CCBE1: variants seen among roughly 807,000 people sequenced by gnomAD.
CCBE1 encodes collagen and calcium-binding EGF domain-containing protein 1.
In CCBE1, 37 loss-of-function variants were observed where a neutral mutation model predicts 50.0. That is an observed-to-expected ratio of 0.74 (90% CI 0.57 to 0.97). The LOEUF (loss-of-function observed/expected upper bound fraction) is 0.97. Ranked by LOEUF, CCBE1 falls within the 50% of genes least tolerant of loss-of-function variation. The probability of loss-of-function intolerance (pLI) is 0.00; values close to 1 mark genes in which losing one functional copy is unlikely to be tolerated. For synonymous variants in CCBE1, 234 were observed against 203.7 expected, an observed-to-expected ratio of 1.15 and a Z score of -1.27; for missense variants, 538 against 523.8, an observed-to-expected ratio of 1.03 and a Z score of -0.26.
intron 2 of CCBE1, among the ~76,000 whole-genome samples, chr18:59,657,145 T>C (rs927028713): frequency 2.0e-5 from 3 of 152,162 alleles, no homozygotes; most frequent in African/African-American, 7.2e-5. Flanking sequence ...AAGCTACAAA[T>C]TGCATGCGTA....
chr18:59,579,457 C>T (rs1036335796), intron 2 of CCBE1, among the ~76,000 whole-genome samples: 17 of 151,962 alleles, frequency 1.1e-4, no homozygotes, highest in East Asian at 7.7e-4. Context: ...TCAGAGGTCC[C>T]GGTATGTCAC....
At chr18:59,522,357 A>G (rs1914636995) in intron 2 of CCBE1, among the ~76,000 whole-genome samples, 1 of 152,232 alleles carries the variant, frequency 6.6e-6, no homozygotes, top group African/African-American at 2.4e-5. Flanking sequence ...TTTCTATAGC[A>G]TGTTTCTGGT....
At chr18:59,446,269 A>G (rs7228539) in intron 7 of CCBE1, among the ~76,000 whole-genome samples, 89,896 of 152,054 alleles carry the variant, frequency 0.59, 27,193 homozygotes, top group African/African-American at 0.72. Flanking sequence ...ACAGCCAATG[A>G]CTCCCCTGCT....
At chr18:59,516,414 A>T (rs187347014) in intron 2 of CCBE1, among the ~76,000 whole-genome samples, 1 of 152,190 alleles carries the variant, frequency 6.6e-6, no homozygotes, top group Non-Finnish European at 1.5e-5. Flanking sequence ...GGGGATAAGA[A>T]AGAGCCAGTG....
chr18:59,560,255 AT>A (rs2052715081), intron 2 of CCBE1, among the ~76,000 whole-genome samples: 1 of 152,204 alleles, frequency 6.6e-6, no homozygotes, highest in South Asian at 2.1e-4. Context: ...GGGTATGCCC[AT>A]AGGCTTTTGG....
chr18:59,528,819 T>C (rs1404436989), intron 2 of CCBE1, among the ~76,000 whole-genome samples: 2 of 152,208 alleles, frequency 1.3e-5, no homozygotes, highest in Non-Finnish European at 2.9e-5. Flanking sequence ...ACAGCAAAGA[T>C]GGCTGCTTGC....
At chr18:59,455,259 T>A (rs1289060500) in intron 5 of CCBE1, 1 of 454,004 alleles carries the variant, frequency 2.2e-6, no homozygotes, top group African/African-American at 2.0e-5. Flanking sequence ...TATCAGTGCT[T>A]TTCCAGAAGG....
intron 2 of CCBE1, among the ~76,000 whole-genome samples, chr18:59,595,114 C>CAAAAAA (rs546035209): frequency 8.4e-4 from 62 of 73,562 alleles, no homozygotes; most frequent in Middle Eastern, 8.2e-3. Context: ...GACTCTGTCT[C>CAAAAAA]AAAAAAAAAA....
chr18:59,554,289 G>A (rs1170736224), intron 2 of CCBE1, among the ~76,000 whole-genome samples: 1 of 152,170 alleles, frequency 6.6e-6, no homozygotes, highest in Non-Finnish European at 1.5e-5. Flanking sequence ...TGGAACCAGA[G>A]CATACTTCTG....
chr18:59,578,972 T>C lies in CCBE1; in HGVS notation c.213-98734A>G, dbSNP rs114067942. Among the ~76,000 whole-genome samples the C allele has an allele frequency of 3.4e-3, 511 of 152,276 alleles. 1 individual carries two copies. The highest frequency in any genetic ancestry group is 0.012 in the African/African-American group (487 of 41,546). On this transcript the variant is annotated intron_variant, in intron 2 of 10. Transcript: ENST00000439986. ...ATAATTTTTTAAAAAAGATACTTTT[T>C]ATCAGAAAAAAAATGTAAAGACATA...
At chr18:59,489,409 CT>C in intron 2 of CCBE1, among the ~76,000 whole-genome samples, 1 of 147,942 alleles carries the variant, frequency 6.8e-6, no homozygotes, top group Admixed American at 6.8e-5. Context: ...TATTTTTCTT[CT>C]TTTTATTTAT....
chr18:59,632,360 A>G (rs2053860642), intron 2 of CCBE1, among the ~76,000 whole-genome samples: 1 of 150,314 alleles, frequency 6.7e-6, no homozygotes, highest in African/African-American at 2.5e-5. Context: ...GCTCACTGCA[A>G]CCTCTGCCTC....
At chr18:59,524,058 C>T (rs564119861) in intron 2 of CCBE1, among the ~76,000 whole-genome samples, 11 of 152,322 alleles carry the variant, frequency 7.2e-5, no homozygotes, top group South Asian at 4.1e-4. Flanking sequence ...TATTGTCTCA[C>T]GCCTGTAATC....
At chr18:59,591,027 G>A (rs1409371710) in intron 2 of CCBE1, among the ~76,000 whole-genome samples, 1 of 33,150 alleles carries the variant, frequency 3.0e-5, no homozygotes, top group Non-Finnish European at 4.8e-5. Context: ...GGTGGATCAC[G>A]AGGTCAGGAG....
intron 2 of CCBE1, among the ~76,000 whole-genome samples, chr18:59,621,963 C>T (rs529791817): frequency 8.5e-5 from 13 of 152,298 alleles, no homozygotes; most frequent in East Asian, 3.9e-4. Flanking sequence ...CCCATCTAAA[C>T]GACACCCCAG....
chr18:59,442,586 G>C (rs1287853125), intron 7 of CCBE1, among the ~76,000 whole-genome samples: 2 of 151,976 alleles, frequency 1.3e-5, no homozygotes, highest in Admixed American at 6.6e-5. Flanking sequence ...AAATTAGCTG[G>C]ACTTGATGGC....
intron 2 of CCBE1, among the ~76,000 whole-genome samples, chr18:59,684,545 G>A (rs1355684595): frequency 6.6e-6 from 1 of 152,204 alleles, no homozygotes; most frequent in East Asian, 1.9e-4. Flanking sequence ...GGTCACTTAT[G>A]AACCACTTTG....
At chr18:59,467,844 G>A (rs541928588) in intron 4 of CCBE1, among the ~76,000 whole-genome samples, 4 of 134,402 alleles carry the variant, frequency 3.0e-5, no homozygotes, top group African/African-American at 8.5e-5. Context: ...CCCTGTGTAC[G>A]CTGAGGGGAG....
intron 2 of CCBE1, among the ~76,000 whole-genome samples, chr18:59,542,611 A>C (rs1251452175): frequency 6.6e-6 from 1 of 152,196 alleles, no homozygotes; most frequent in African/African-American, 2.4e-5. Flanking sequence ...GGAATATATC[A>C]AAAAAGGCAA....
Sources: allele counts gnomAD v4.1 joint callset (sites outside exome capture counted in the v4.1 genomes callset), GRCh38; gene constraint gnomAD v4.1.1; transcripts MANE v1.5; gene names NCBI Gene and HGNC (gene_info 2026-07-23, HGNC 2026-07-21).